Variants in EPB41 observed in about 807,000 individuals in gnomAD.
EPB41 encodes erythrocyte membrane protein band 4.1, also known as protein 4.1.
A neutral mutation model predicts 108.0 loss-of-function variants in EPB41; 65 were observed. The observed-to-expected ratio is 0.60, with a 90% CI of 0.49 to 0.74. The LOEUF is 0.74. EPB41 is among the 30% of genes least tolerant of loss of function. The pLI is 0.00. For synonymous variants in EPB41, 336 were observed against 358.9 expected, an observed-to-expected ratio of 0.94 and a Z score of 0.72; for missense variants, 875 against 1,037.0, an observed-to-expected ratio of 0.84 and a Z score of 2.15.
At chr1:28,911,819 G>A (rs1226257846), upstream of EPB41, among the ~76,000 whole-genome samples, 3 of 152,002 alleles carry the variant, frequency 2.0e-5, no homozygotes, top group African/African-American at 7.3e-5. Context: ...GAGGTGGGTG[G>A]ATCACCTGAG....
intron 7 of EPB41, among the ~76,000 whole-genome samples, chr1:29,021,874 G>A (rs1010661301): frequency 1.3e-5 from 2 of 152,120 alleles, no homozygotes; most frequent in African/African-American, 2.4e-5. Context: ...GAGCCATCGC[G>A]CCCGGTGGCC....
At chr1:28,922,721 G>A (rs1348499394) in intron 1 of EPB41, among the ~76,000 whole-genome samples, 7 of 151,226 alleles carry the variant, frequency 4.6e-5, no homozygotes, top group Non-Finnish European at 5.9e-5. Flanking sequence ...TCTGCCTCCC[G>A]GGTTCAAGCA....
intron 1 of EPB41, among the ~76,000 whole-genome samples, chr1:28,961,482 G>A (rs1417241225): frequency 6.6e-6 from 1 of 152,134 alleles, no homozygotes; most frequent in Non-Finnish European, 1.5e-5. Flanking sequence ...AACCAGGCTG[G>A]GAATCTGAAC....
intron 1 of EPB41, among the ~76,000 whole-genome samples, chr1:28,979,602 G>A (rs1171576544): frequency 6.7e-6 from 1 of 148,320 alleles, no homozygotes; most frequent in African/African-American, 2.6e-5. Flanking sequence ...CTTGATTAGG[G>A]ATTTGACTGT....
chr1:28,949,161 A>T (rs1199333056), intron 1 of EPB41, among the ~76,000 whole-genome samples: 1 of 152,122 alleles, frequency 6.6e-6, no homozygotes, highest in Non-Finnish European at 1.5e-5. Flanking sequence ...AAATAATTTT[A>T]GGCCAGCCTT....
At chr1:29,031,822 G>T (rs150381074) in intron 8 of EPB41, 1 of 152,170 alleles carries the variant, frequency 6.6e-6, no homozygotes, top group Admixed American at 6.6e-5. Context: ...AGTGCCAGGC[G>T]TGGTGGCTCA....
chr1:29,022,707 G>A (rs1328800355), intron 7 of EPB41, among the ~76,000 whole-genome samples: 1 of 151,850 alleles, frequency 6.6e-6, no homozygotes, highest in African/African-American at 2.4e-5. Context: ...GGCGACAAGA[G>A]CAAGACTCCA....
At chr1:28,908,693 G>A (rs1349947802) in intron 1 of EPB41, among the ~76,000 whole-genome samples, 2 of 150,252 alleles carry the variant, frequency 1.3e-5, no homozygotes, top group Non-Finnish European at 3.0e-5. Flanking sequence ...GCCTCCCAAA[G>A]TGCTGGGATT....
At chr1:28,973,670 T>C (rs2095542058) in intron 1 of EPB41, among the ~76,000 whole-genome samples, 1 of 152,180 alleles carries the variant, frequency 6.6e-6, no homozygotes. Flanking sequence ...GTTGGAATTA[T>C]AGCTGTGAGC....
intron 1 of EPB41, among the ~76,000 whole-genome samples, chr1:28,941,108 T>C (rs905337587): frequency 3.9e-5 from 6 of 152,014 alleles, no homozygotes; most frequent in African/African-American, 1.5e-4. Context: ...CCAGGCTCAG[T>C]GGCTTATGCC....
intron 16 of EPB41, chr1:29,069,336 G>A (rs1650103246): frequency 2.4e-6 from 3 of 1,231,362 alleles, no homozygotes; most frequent in African/African-American, 3.1e-5. Context: ...TACAGAAATT[G>A]CAGGGGGAAT....
chr1:28,919,464 T>C (rs887609463), intron 1 of EPB41, among the ~76,000 whole-genome samples: 2 of 152,060 alleles, frequency 1.3e-5, no homozygotes, highest in Non-Finnish European at 2.9e-5. Context: ...AAAAGTCCTT[T>C]CTTTCTTTTT....
chr1:29,011,194 A>G (rs1022379239), intron 4 of EPB41, among the ~76,000 whole-genome samples: 5 of 151,250 alleles, frequency 3.3e-5, no homozygotes, highest in African/African-American at 1.2e-4. Flanking sequence ...GCAAAACCCC[A>G]TCTCTACTAA....
intron 1 of EPB41, among the ~76,000 whole-genome samples, chr1:28,978,297 C>G (rs939344956): frequency 6.6e-6 from 1 of 151,376 alleles, no homozygotes; most frequent in African/African-American, 2.5e-5. Context: ...ATCATAATCC[C>G]AAAAGACACA....
At chr1:29,080,193 A>T (rs1655952046) in intron 16 of EPB41, among the ~76,000 whole-genome samples, 1 of 151,292 alleles carries the variant, frequency 6.6e-6, no homozygotes, top group Admixed American at 6.6e-5. Context: ...ATCTTGGCTC[A>T]TTACAACCTC....
intron 15 of EPB41, among the ~76,000 whole-genome samples, 163 bp downstream of exon 15, chr1:29,060,647 T>C (rs1372606856): frequency 6.6e-6 from 1 of 152,238 alleles, no homozygotes; most frequent in African/African-American, 2.4e-5. Context: ...CATGAAGATA[T>C]GCAAACATCT....
At chr1:28,970,567 A>G (rs1422211968) in intron 1 of EPB41, among the ~76,000 whole-genome samples, 1 of 152,204 alleles carries the variant, frequency 6.6e-6, no homozygotes, top group Non-Finnish European at 1.5e-5. Flanking sequence ...TTACATTTTC[A>G]GGCTAAATTA....
chr1:28,887,544 C>T lies in EPB41; in HGVS notation c.-8+334C>T, dbSNP rs2089562084. ...GCATTCGGTGTCCGCGGGAGAGTCCCTGCAGGTCGGCGCAGCCCCCGGCCG... is the reference window on the plus strand; with the variant it reads ...GCATTCGGTGTCCGCGGGAGAGTCCTTGCAGGTCGGCGCAGCCCCCGGCCG... On this transcript the variant is annotated intron_variant, in intron 1 of 16. Coordinates refer to the EPB41 transcript ENST00000347529. The surrounding 1 kb of genome is among the most constrained non-coding windows in gnomAD (Gnocchi z 4.9). 7.1e-6 allele frequency: 7 copies of T among 985,168 alleles called. No individual in the cohort carries two copies. Among genetic ancestry groups the T allele is most frequent in the Non-Finnish European group, 8.4e-6 (7 of 829,812 alleles). 61.0% of individuals were successfully genotyped at this position (985,168 alleles called of 1,614,324 possible). A position where few individuals can be genotyped will look rare whatever the true frequency, so the allele number is the denominator to read the frequency against.
chr1:29,112,184 A>G (rs1289282590), intron 18 of EPB41, among the ~76,000 whole-genome samples, 184 bp from the exon 19 acceptor site: 1 of 152,092 alleles, frequency 6.6e-6, no homozygotes, highest in African/African-American at 2.4e-5. Flanking sequence ...GTTTGTTAAT[A>G]GAGACGAGGT....
Sources: allele counts gnomAD v4.1 joint callset (sites outside exome capture counted in the v4.1 genomes callset), GRCh38; gene constraint gnomAD v4.1.1; non-coding constraint Gnocchi (gnomAD v3.1); transcripts MANE v1.5; gene names NCBI Gene and HGNC (gene_info 2026-07-23, HGNC 2026-07-21).